Variants in MACROD2 observed in about 807,000 individuals in gnomAD.
MACROD2 encodes the protein ADP-ribose glycohydrolase MACROD2.
MACROD2 carries 36 observed loss-of-function variants against 70.4 expected under a neutral mutation model. The ratio of observed to expected loss-of-function variants is 0.51; its 90% CI spans 0.39 to 0.68. The LOEUF is 0.68. MACROD2 is among the 30% of genes least tolerant of loss of function. The pLI, the probability that MACROD2 is intolerant of heterozygous loss-of-function variation, is 0.00. For synonymous variants in MACROD2, 172 were observed against 178.8 expected, an observed-to-expected ratio of 0.96 and a Z score of 0.30; for missense variants, 496 against 538.4, an observed-to-expected ratio of 0.92 and a Z score of 0.78.
intron 5 of MACROD2, among the ~76,000 whole-genome samples, chr20:14,785,763 A>G (rs1039166285): frequency 6.6e-6 from 1 of 152,072 alleles, no homozygotes; most frequent in African/African-American, 2.4e-5. Flanking sequence ...TGGGAGATCC[A>G]TGATCATTAG....
chr20:14,128,008 C>A, intron 3 of MACROD2: 1 of 544,188 alleles, frequency 1.8e-6, no homozygotes, highest in Non-Finnish European at 3.6e-6. Flanking sequence ...AATCATGTTC[C>A]TTTTGAACAG....
chr20:15,450,975 G>C (rs768064963), intron 7 of MACROD2, among the ~76,000 whole-genome samples: 2 of 152,132 alleles, frequency 1.3e-5, no homozygotes, highest in Non-Finnish European at 2.9e-5. Context: ...GGCTTGACAA[G>C]CTAAAGACAG....
At chr20:15,014,597 A>G (rs1413752844) in intron 5 of MACROD2, among the ~76,000 whole-genome samples, 1 of 152,190 alleles carries the variant, frequency 6.6e-6, no homozygotes, top group African/African-American at 2.4e-5. Context: ...GTGGCCTTGT[A>G]TTAAGCTTGT....
intron 3 of MACROD2, among the ~76,000 whole-genome samples, chr20:14,415,787 G>A (rs2083797309): frequency 6.6e-6 from 1 of 152,148 alleles, no homozygotes; most frequent in Non-Finnish European, 1.5e-5. Flanking sequence ...AAGGCACGTG[G>A]TCTATCCTTT....
intron 8 of MACROD2, among the ~76,000 whole-genome samples, chr20:15,723,835 G>T (rs749602271): frequency 1.3e-5 from 2 of 152,174 alleles, no homozygotes; most frequent in Non-Finnish European, 2.9e-5. Flanking sequence ...TACACAGTAA[G>T]AGTATATTTA....
chr20:15,635,946 T>C (rs1600696815), intron 8 of MACROD2, among the ~76,000 whole-genome samples: 1 of 151,692 alleles, frequency 6.6e-6, no homozygotes, highest in East Asian at 2.0e-4. Flanking sequence ...TGCATGCTTG[T>C]AATCCCAGCT....
chr20:14,803,469 T>C (rs1432933889), intron 5 of MACROD2, among the ~76,000 whole-genome samples: 1 of 152,018 alleles, frequency 6.6e-6, no homozygotes, highest in Non-Finnish European at 1.5e-5. Flanking sequence ...AAATATTTTA[T>C]AGTATATTTT....
At chr20:14,055,659 C>T (rs1384389616) in intron 2 of MACROD2, among the ~76,000 whole-genome samples, 1 of 151,998 alleles carries the variant, frequency 6.6e-6, no homozygotes, top group Non-Finnish European at 1.5e-5. Context: ...CTGACACAGA[C>T]AGCAAAGAGC....
chr20:14,462,354 A>G (rs1182344549), intron 3 of MACROD2, among the ~76,000 whole-genome samples: 2 of 151,992 alleles, frequency 1.3e-5, no homozygotes, highest in Admixed American at 6.6e-5. Context: ...GTCTGTTCAT[A>G]TCCTTCACCC....
At chr20:15,751,927 G>A (rs1264880970) in intron 8 of MACROD2, among the ~76,000 whole-genome samples, 1 of 151,428 alleles carries the variant, frequency 6.6e-6, no homozygotes, top group African/African-American at 2.4e-5. Flanking sequence ...ATAAAAGAAT[G>A]AGGTACATGG....
At chr20:15,665,534 T>G (rs2049885288) in intron 8 of MACROD2, among the ~76,000 whole-genome samples, 1 of 152,164 alleles carries the variant, frequency 6.6e-6, no homozygotes, top group Non-Finnish European at 1.5e-5. Context: ...GGCTGCAATG[T>G]GAGGGTCACA....
intron 5 of MACROD2, among the ~76,000 whole-genome samples, chr20:14,916,488 T>C (rs997630247): frequency 2.6e-5 from 4 of 152,174 alleles, no homozygotes; most frequent in African/African-American, 2.4e-5. Context: ...TGCTTACTTG[T>C]TTGTGAAATA....
At chr20:14,248,517 A>G (rs1321317695) in intron 3 of MACROD2, among the ~76,000 whole-genome samples, 1 of 152,122 alleles carries the variant, frequency 6.6e-6, no homozygotes, top group Non-Finnish European at 1.5e-5. Context: ...CGGCAGGCGG[A>G]GGTTGCAGTG....
intron 8 of MACROD2, among the ~76,000 whole-genome samples, chr20:15,601,019 C>T (rs1047857620): frequency 6.6e-6 from 1 of 152,126 alleles, no homozygotes; most frequent in African/African-American, 2.4e-5. Context: ...CCAGGCAACC[C>T]CTCATTAATA....
At chr20:14,245,086 C>T (rs554787502) in intron 3 of MACROD2, among the ~76,000 whole-genome samples, 25 of 152,222 alleles carry the variant, frequency 1.6e-4, no homozygotes, top group Non-Finnish European at 2.9e-4. Context: ...ATGCCTAGGC[C>T]GGGCGTAGTG....
chr20:14,123,572 G>T lies in MACROD2; in HGVS notation c.271+37844G>T, dbSNP rs73612336. 1.2e-3 allele frequency among the ~76,000 whole-genome samples: 189 copies of T among 152,252 alleles called. 4 individuals carry two copies. The East Asian group carries it at 0.034, about 27-fold the overall frequency. On this transcript the variant is annotated intron_variant, in intron 3 of 17. Transcript: ENST00000684519. The stretch of plus-strand genomic sequence containing the variant: ...CTTGGACAAGAAAATATAAAGTCCT[G>T]CCTCCCTAGATACCAGCCTACCTAA...
intron 8 of MACROD2, among the ~76,000 whole-genome samples, chr20:15,836,485 C>A (rs2064115859): frequency 6.6e-6 from 1 of 152,114 alleles, no homozygotes; most frequent in Non-Finnish European, 1.5e-5. Flanking sequence ...GAGAGAAATA[C>A]AATTCTCTCC....
chr20:14,170,753 T>A (rs2081213121), intron 3 of MACROD2, among the ~76,000 whole-genome samples: 1 of 152,200 alleles, frequency 6.6e-6, no homozygotes, highest in African/African-American at 2.4e-5. Flanking sequence ...TAGCTAGTAT[T>A]TCGTTGAGGA....
rs763767959 is a variant in MACROD2 at position 15,746,430 on chromosome 20, A to T, written c.646-116315A>T. Among the ~76,000 whole-genome samples the T allele has an allele frequency of 2.6e-5, 4 of 152,088 alleles. No individual in the cohort carries two copies. The East Asian group carries it at 7.7e-4, about 29-fold the overall frequency. On this transcript the variant is annotated intron_variant, in intron 8 of 17. Transcript: ENST00000684519. The stretch of plus-strand genomic sequence containing the variant: ...TTTTGGAAGTTATATGAATATAATC[A>T]TACTATCTTTGAAAAATGACAATTT...
Sources: gnomAD v4.1 joint callset for allele counts (sites outside exome capture counted in the v4.1 genomes callset) on GRCh38, gnomAD v4.1.1 for gene constraint, MANE v1.5 for transcripts, NCBI Gene and HGNC (gene_info 2026-07-23, HGNC 2026-07-21) for gene names.